PNKD: variants seen among roughly 807,000 people sequenced by gnomAD.
The protein encoded by PNKD is PNKD metallo-beta-lactamase domain containing.
PNKD carries 36 observed loss-of-function variants against 45.3 expected under a neutral mutation model. The observed-to-expected ratio is 0.80, with a 90% CI of 0.61 to 1.05. The LOEUF (loss-of-function observed/expected upper bound fraction) is 1.05, where lower values mean the gene tolerates loss of function less well. Among genes scored for constraint, PNKD ranks in the 50% least tolerant of loss-of-function variants. The pLI is 0.00. For missense variants in PNKD, 511 were observed against 506.6 expected (o/e 1.01, Z -0.08); for synonymous variants, 197 against 210.1 (o/e 0.94, Z 0.54).
intron 2 of PNKD, among the ~76,000 whole-genome samples, chr2:218,330,129 G>T (rs1369232692): frequency 6.6e-6 from 1 of 152,200 alleles, no homozygotes; most frequent in Non-Finnish European, 1.5e-5. Context: ...AGGAGTCAAG[G>T]CAGGTGACCC....
At chr2:218,323,370 G>A (rs1694050014) in intron 2 of PNKD, 1 of 1,579,842 alleles carries the variant, frequency 6.3e-7, no homozygotes, top group Non-Finnish European at 8.6e-7. Context: ...CGGCTGCCGA[G>A]CGCGGCGGGG....
intron 1 of PNKD, 67 bp downstream of exon 1, chr2:218,270,669 C>G (rs192040351): frequency 6.2e-6 from 3 of 481,318 alleles, no homozygotes; most frequent in African/African-American, 6.0e-5. Flanking sequence ...TCCAGCCCGA[C>G]GATAGCAGGA....
At chr2:218,287,496 T>C (rs919770426) in intron 2 of PNKD, among the ~76,000 whole-genome samples, 1 of 151,886 alleles carries the variant, frequency 6.6e-6, no homozygotes, top group African/African-American at 2.4e-5. Context: ...GATCACGAGG[T>C]CAGGAGATCA....
At chr2:218,293,830 T>C (rs926699956) in intron 2 of PNKD, among the ~76,000 whole-genome samples, 2 of 147,768 alleles carry the variant, frequency 1.4e-5, no homozygotes, top group Non-Finnish European at 3.0e-5. Flanking sequence ...TAGGCTGGTC[T>C]CAAACCCCTG....
At position 218,274,337 on chromosome 2, in the gene PNKD, C is replaced by T. The variant is rs368225588; in HGVS notation, c.236+2788C>T. 7 of 155,008 alleles carry T rather than the reference C, an allele frequency of 4.5e-5. No homozygotes were observed. In the East Asian group the frequency reaches 9.4e-4, roughly 21 times the overall value. The allele number at this position is 155,008 out of a possible 1,614,324, so 9.6% of individuals were successfully genotyped here. On this transcript the variant is annotated intron_variant, in intron 2 of 9. Coordinates refer to ENST00000273077, the MANE Select transcript of PNKD (RefSeq NM_015488.5). ...TTCTGCCCCCACCCGACAGACTGAC[C>T]CTTGTCCCCCTTCCCCATTCCAGCT...
intron 2 of PNKD, among the ~76,000 whole-genome samples, chr2:218,313,259 C>T (rs1034567372): frequency 6.6e-6 from 1 of 152,006 alleles, no homozygotes; most frequent in Non-Finnish European, 1.5e-5. Flanking sequence ...TACAGGTGTA[C>T]ACCATCATGC....
intron 2 of PNKD, chr2:218,323,268 A>G: frequency 6.6e-7 from 1 of 1,522,300 alleles, no homozygotes; most frequent in East Asian, 2.7e-5. Context: ...TGCCCCCAGC[A>G]TGGCTTGGCA....
intron 2 of PNKD, among the ~76,000 whole-genome samples, chr2:218,294,980 T>C (rs185822482): frequency 6.6e-6 from 1 of 152,276 alleles, no homozygotes; most frequent in Admixed American, 6.5e-5. Context: ...ACCACCAGGA[T>C]GGTTAATATC....
In PNKD at chr2:218,339,864, A is replaced by G. The variant is rs1421249273; in HGVS notation, c.318A>G (p.Lys106=). The G allele has an allele frequency of 6.2e-7, 1 of 1,608,836 alleles. No individual in the cohort carries two copies. The highest frequency in any genetic ancestry group is 1.1e-5 in the South Asian group (1 of 90,492). The change falls in exon 3 of 10, where the codon AAA becomes AAG. Residue 106 remains lysine (K), a synonymous_variant. Transcript: ENST00000273077. ...QLRRARNRYP[K]GHSKTQPRLF... Reference sequence around the variant, plus strand: ...GCAGGGCTCGGAATCGCTACCCTAAAGGCCACTCGAAAACCCAGCCCCGCC... The same window carrying G: ...GCAGGGCTCGGAATCGCTACCCTAAGGGCCACTCGAAAACCCAGCCCCGCC...
chr2:218,300,274 A>G (rs191152036), intron 2 of PNKD, among the ~76,000 whole-genome samples: 1 of 152,236 alleles, frequency 6.6e-6, no homozygotes, highest in East Asian at 1.9e-4. Context: ...TTGTCCATTC[A>G]TACTAACACA....
intron 2 of PNKD, among the ~76,000 whole-genome samples, chr2:218,330,959 C>T (rs1038243945): frequency 6.6e-6 from 1 of 152,186 alleles, no homozygotes. Context: ...AGGGAGCACT[C>T]AATTTGACAG....
intron 2 of PNKD, among the ~76,000 whole-genome samples, chr2:218,333,523 G>A (rs189982522): frequency 3.3e-5 from 5 of 152,294 alleles, no homozygotes; most frequent in Non-Finnish European, 7.3e-5. Flanking sequence ...TCGGCTGAGT[G>A]CTTTACATTA....
At chr2:218,321,477 A>C (rs1442318223) in intron 2 of PNKD, among the ~76,000 whole-genome samples, 3 of 152,164 alleles carry the variant, frequency 2.0e-5, no homozygotes, top group Non-Finnish European at 2.9e-5. Flanking sequence ...ATGTACCCAC[A>C]TAGAAGAAAC....
At chr2:218,311,037 C>T (rs980703880) in intron 2 of PNKD, among the ~76,000 whole-genome samples, 2 of 152,174 alleles carry the variant, frequency 1.3e-5, no homozygotes, top group African/African-American at 4.8e-5. Context: ...TGTGTAAGTA[C>T]ACACTATGAT....
At position 218,342,038 on chromosome 2, in the gene PNKD, T is replaced by C. The variant is rs571540279; in HGVS notation, c.675T>C (p.Ala225=). 1 of 1,613,434 alleles carries C rather than the reference T, an allele frequency of 6.2e-7. No individual in the cohort carries two copies. The highest frequency in any genetic ancestry group is 1.1e-5 in the South Asian group (1 of 91,072). ...SVGRLQIRAL[A]TPGHTQGHLV... ...GACGGCTTCAGATCCGGGCCCTGGC[T>C]ACACCTGGCCACACACAAGGCCATC... is the stretch of plus-strand genomic sequence containing the variant. Residue 225 remains alanine (A), a synonymous_variant, in exon 7 of 10, where the codon GCT becomes GCC. Transcript: ENST00000273077.
chr2:218,304,936 G>T (rs1693368752), intron 2 of PNKD, among the ~76,000 whole-genome samples: 1 of 152,116 alleles, frequency 6.6e-6, no homozygotes. Context: ...AGCCAGGCGT[G>T]GTGGCGGGCA....
At chr2:218,343,965 T>G (rs1694755896) in intron 8 of PNKD, among the ~76,000 whole-genome samples, 1 of 152,240 alleles carries the variant, frequency 6.6e-6, no homozygotes, top group Non-Finnish European at 1.5e-5. Flanking sequence ...TTGTGGTGCA[T>G]AAAAACATTC....
At chr2:218,303,930 C>T (rs1330813455) in intron 2 of PNKD, among the ~76,000 whole-genome samples, 4 of 152,076 alleles carry the variant, frequency 2.6e-5, no homozygotes, top group African/African-American at 4.8e-5. Context: ...CCACATCCCC[C>T]TCCGTCTTCT....
At chr2:218,270,684 A>G in intron 1 of PNKD, 82 bp downstream of exon 1, 2 of 455,658 alleles carry the variant, frequency 4.4e-6, no homozygotes, top group East Asian at 3.5e-5. Context: ...GCAGGAGGTC[A>G]GGGCTCTTGG....
Sources: allele counts gnomAD v4.1 joint callset (sites outside exome capture counted in the v4.1 genomes callset), GRCh38; gene constraint gnomAD v4.1.1; transcripts MANE v1.5; gene names NCBI Gene and HGNC (gene_info 2026-07-23, HGNC 2026-07-21).